PPP1R9A: variants seen among roughly 807,000 people sequenced by gnomAD.
PPP1R9A encodes neurabin-1.
PPP1R9A carries 59 observed loss-of-function variants against 141.9 expected under a neutral mutation model. That is an observed-to-expected ratio of 0.42 (90% CI 0.34 to 0.52). The LOEUF (loss-of-function observed/expected upper bound fraction) is 0.52. Among genes scored for constraint, PPP1R9A ranks in the 20% least tolerant of loss-of-function variants. PPP1R9A has a pLI of 0.10. For missense variants in PPP1R9A, 1,444 were observed against 1,611.9 expected (o/e 0.90, Z 1.78); for synonymous variants, 500 against 569.7 (o/e 0.88, Z 1.74).
chr7:95,063,668 A>C (rs951320989), intron 2 of PPP1R9A, among the ~76,000 whole-genome samples: 1 of 152,186 alleles, frequency 6.6e-6, no homozygotes, highest in Non-Finnish European at 1.5e-5. Context: ...ATAGGTTTGC[A>C]TATTGGATGC....
chr7:94,952,927 A>G (rs925254985), intron 2 of PPP1R9A, among the ~76,000 whole-genome samples: 5 of 152,114 alleles, frequency 3.3e-5, no homozygotes, highest in Non-Finnish European at 5.9e-5. Context: ...CTCTGGTGAT[A>G]GTTCCTTTTG....
At chr7:95,199,220 G>C (rs1788989235) in intron 6 of PPP1R9A, among the ~76,000 whole-genome samples, 1 of 152,094 alleles carries the variant, frequency 6.6e-6, no homozygotes, top group Admixed American at 6.5e-5. Flanking sequence ...TTGATATAAT[G>C]GGACAACATG....
intron 8 of PPP1R9A, among the ~76,000 whole-genome samples, chr7:95,227,104 G>A (rs1008052868): frequency 2.6e-5 from 4 of 152,192 alleles, no homozygotes; most frequent in Admixed American, 1.3e-4. Context: ...GGAGAAAGAG[G>A]TGTAATCTAG....
rs757264863 is a variant in PPP1R9A at position 95,247,478 on chromosome 7, A to G, written c.2118A>G (p.Gln706=). 1.5e-5 allele frequency: 24 copies of G among 1,607,038 alleles called. No individual in the cohort carries two copies. The highest frequency in any genetic ancestry group is 2.2e-5 in the East Asian group (1 of 44,720). The change falls in exon 9 of 20, where the codon CAA becomes CAG. Residue 706 remains glutamine (Q), a synonymous_variant. Coordinates refer to ENST00000433360, the MANE Select transcript of PPP1R9A (RefSeq NM_001166160.2). ...TCTTTCTTTTCAATTTTCAGTTGCAAATCAAACATGCAGTTACAGAAGCAG... is the reference window on the plus strand; with the variant it reads ...TCTTTCTTTTCAATTTTCAGTTGCAGATCAAACATGCAGTTACAGAAGCAG... ...SKLSHKFKEL[Q]IKHAVTEAEI...
At chr7:95,164,414 T>C (rs1830882251) in intron 5 of PPP1R9A, among the ~76,000 whole-genome samples, 1 of 152,218 alleles carries the variant, frequency 6.6e-6, no homozygotes, top group African/African-American at 2.4e-5. Flanking sequence ...TGGATTTTTT[T>C]CTCTTATAAT....
intron 5 of PPP1R9A, among the ~76,000 whole-genome samples, chr7:95,197,479 T>C (rs11979738): frequency 0.72 from 109,263 of 151,992 alleles, 40,636 homozygotes; most frequent in East Asian, 0.97. Context: ...ATTTATTGAA[T>C]CACACCCCTT....
chr7:94,991,898 C>T (rs747146699), intron 2 of PPP1R9A, among the ~76,000 whole-genome samples: 3 of 152,314 alleles, frequency 2.0e-5, no homozygotes, highest in Middle Eastern at 3.4e-3. Flanking sequence ...ACGATCCACC[C>T]GCCTTGGCCT....
intron 5 of PPP1R9A, among the ~76,000 whole-genome samples, chr7:95,171,866 A>T (rs2152751664): frequency 6.6e-6 from 1 of 151,728 alleles, no homozygotes; most frequent in Admixed American, 6.6e-5. Flanking sequence ...TTAAAATACA[A>T]ACTATCACAA....
At chr7:95,089,775 G>C (rs941389561) in intron 2 of PPP1R9A, among the ~76,000 whole-genome samples, 1 of 150,866 alleles carries the variant, frequency 6.6e-6, no homozygotes, top group Non-Finnish European at 1.5e-5. Context: ...TTTACATAAA[G>C]TTTTATTCTT....
intron 6 of PPP1R9A, among the ~76,000 whole-genome samples, chr7:95,202,327 T>G (rs1208233568): frequency 6.6e-6 from 1 of 152,094 alleles, no homozygotes; most frequent in Admixed American, 6.5e-5. Flanking sequence ...TCCCTGTTTT[T>G]GTTTACTCTC....
intron 12 of PPP1R9A, among the ~76,000 whole-genome samples, chr7:95,259,156 A>G (rs554867360): frequency 3.3e-5 from 5 of 152,326 alleles, no homozygotes; most frequent in African/African-American, 9.6e-5. Flanking sequence ...AGACTAATCA[A>G]TATATTCTTT....
intron 4 of PPP1R9A, among the ~76,000 whole-genome samples, chr7:95,159,422 A>G (rs1237302971): frequency 1.3e-5 from 2 of 152,130 alleles, no homozygotes; most frequent in Admixed American, 6.6e-5. Context: ...TATTATTATT[A>G]TTAGTATTAT....
chr7:95,175,021 TG>T (rs1832693718), intron 5 of PPP1R9A: 1 of 152,128 alleles, frequency 6.6e-6, no homozygotes, highest in South Asian at 2.1e-4. Flanking sequence ...ACATGAAAAC[TG>T]GCTTCTCCAA....
Position 95,202,692 on chromosome 7 carries a change from A to T in PPP1R9A, c.1891-973A>T, listed in dbSNP as rs79810572. 1,767 of 476,034 alleles carry T rather than the reference A, an allele frequency of 3.7e-3. 40 individuals are homozygous for T. Among genetic ancestry groups the T allele is most frequent in the African/African-American group, 0.036 (1,680 of 47,078 alleles). The allele number at this position is 476,034 out of a possible 1,614,324, so 29.5% of individuals were successfully genotyped here. ...TTAGTAACATTTAATCTCTTGTCATACTCCACCACTATCAGTTTGTAGCCT... is the reference window on the plus strand; with the variant it reads ...TTAGTAACATTTAATCTCTTGTCATTCTCCACCACTATCAGTTTGTAGCCT... On this transcript the variant is annotated intron_variant, in intron 6 of 19. Coordinates refer to ENST00000433360, the MANE Select transcript of PPP1R9A (RefSeq NM_001166160.2).
chr7:95,038,505 G>A (rs1808767471), intron 2 of PPP1R9A, among the ~76,000 whole-genome samples: 1 of 152,034 alleles, frequency 6.6e-6, no homozygotes, highest in Non-Finnish European at 1.5e-5. Context: ...AAGTGGACAA[G>A]TAATCATCCT....
intron 12 of PPP1R9A, among the ~76,000 whole-genome samples, chr7:95,253,688 A>G (rs1799193222): frequency 6.6e-6 from 1 of 152,100 alleles, no homozygotes; most frequent in Non-Finnish European, 1.5e-5. Context: ...TTTTGAAACT[A>G]TATGGTTTAG....
At chr7:94,969,258 C>A (rs187970203) in intron 2 of PPP1R9A, among the ~76,000 whole-genome samples, 2 of 152,186 alleles carry the variant, frequency 1.3e-5, no homozygotes. Flanking sequence ...CCTTTTTGTG[C>A]TGGTTTTTCC....
chr7:95,082,283 C>T (rs184937874), intron 2 of PPP1R9A, among the ~76,000 whole-genome samples: 1 of 152,316 alleles, frequency 6.6e-6, no homozygotes, highest in East Asian at 1.9e-4. Flanking sequence ...GAAGTTCTGA[C>T]ACATTCTTGG....
At chr7:94,947,039 G>A (rs1052360501) in intron 2 of PPP1R9A, among the ~76,000 whole-genome samples, 2 of 152,112 alleles carry the variant, frequency 1.3e-5, no homozygotes, top group African/African-American at 4.8e-5. Context: ...CCAATGGTCA[G>A]ACATTCTATC....
Sources: allele counts gnomAD v4.1 joint callset (sites outside exome capture counted in the v4.1 genomes callset), GRCh38; gene constraint gnomAD v4.1.1; transcripts MANE v1.5; gene names NCBI Gene and HGNC (gene_info 2026-07-23, HGNC 2026-07-21).